The following PTPRT variants were observed in gnomAD, a reference collection of about 807,000 sequenced individuals.
PTPRT encodes the protein receptor-type tyrosine-protein phosphatase T.
A neutral mutation model predicts 176.8 loss-of-function variants in PTPRT; 56 were observed. That is an observed-to-expected ratio of 0.32 (90% CI 0.26 to 0.40). The LOEUF (loss-of-function observed/expected upper bound fraction) is 0.40. Among genes scored for constraint, PTPRT ranks in the 10% least tolerant of loss-of-function variants. The probability of loss-of-function intolerance (pLI) is 1.00; values close to 1 mark genes in which losing one functional copy is unlikely to be tolerated. For missense variants in PTPRT, 1,540 were observed against 1,908.2 expected, an observed-to-expected ratio of 0.81 and a Z score of 3.60; for synonymous variants, 783 against 739.0, an observed-to-expected ratio of 1.06 and a Z score of -0.96.
intron 6 of PTPRT, among the ~76,000 whole-genome samples, chr20:42,686,770 G>C (rs955711551): frequency 3.3e-5 from 5 of 151,994 alleles, no homozygotes; most frequent in African/African-American, 1.2e-4. Flanking sequence ...GGGATTACAG[G>C]CGTGAGCCAC....
At position 42,245,155 on chromosome 20, in the gene PTPRT, A is replaced by G. The variant is rs534548692; in HGVS notation, c.2312+3532T>C. 5.9e-5 allele frequency among the ~76,000 whole-genome samples: 9 copies of G among 152,332 alleles called. No individual in the cohort carries two copies. The East Asian group carries it at 1.7e-3, about 29-fold the overall frequency. On this transcript the variant is annotated intron_variant, in intron 14 of 30. Transcript: ENST00000373187. ...TAGATGTGATCGACAGATCCAGAGG[A>G]AAAAGATGGAGCCACTATCTAGTGA...
At chr20:42,068,333 C>T (rs1174324109), downstream of PTPRT, among the ~76,000 whole-genome samples, 2 of 152,134 alleles carry the variant, frequency 1.3e-5, no homozygotes, top group South Asian at 2.1e-4. Flanking sequence ...ATGACATAAG[C>T]GGTTAGGCTG....
At chr20:43,179,097 A>T (rs2015186998) in intron 1 of PTPRT, among the ~76,000 whole-genome samples, 1 of 152,358 alleles carries the variant, frequency 6.6e-6, no homozygotes, top group East Asian at 1.9e-4. Flanking sequence ...CCAGAAGTCC[A>T]ATGTCTGGTC....
At chr20:42,388,429 GA>G (rs1294963399) in intron 9 of PTPRT, among the ~76,000 whole-genome samples, 1 of 151,942 alleles carries the variant, frequency 6.6e-6, no homozygotes, top group Non-Finnish European at 1.5e-5. Context: ...AAATTTACAA[GA>G]AAAAAACAAA....
At chr20:43,183,683 G>A in intron 1 of PTPRT, among the ~76,000 whole-genome samples, 1 of 152,208 alleles carries the variant, frequency 6.6e-6, no homozygotes, top group Admixed American at 6.5e-5. Context: ...TGTTCTCTCA[G>A]GCTCGCTTCC....
chr20:42,252,541 A>G (rs994176105), intron 13 of PTPRT, among the ~76,000 whole-genome samples: 8 of 152,168 alleles, frequency 5.3e-5, no homozygotes, highest in African/African-American at 1.7e-4. Flanking sequence ...GGGAGAGTGT[A>G]GTATCCTAGA....
intron 22 of PTPRT, among the ~76,000 whole-genome samples, chr20:42,114,802 T>C (rs1392440868): frequency 1.3e-5 from 2 of 152,148 alleles, no homozygotes; most frequent in Non-Finnish European, 2.9e-5. Flanking sequence ...AGACTGCATG[T>C]TTTTTCCTTC....
chr20:42,708,624 C>G (rs1569101437), intron 6 of PTPRT, among the ~76,000 whole-genome samples: 1 of 152,212 alleles, frequency 6.6e-6, no homozygotes, highest in Non-Finnish European at 1.5e-5. Flanking sequence ...CTTTGCATTT[C>G]CCGTAGGTCT....
At chr20:42,114,218 C>G (rs1421297041) in intron 22 of PTPRT, among the ~76,000 whole-genome samples, 1 of 152,170 alleles carries the variant, frequency 6.6e-6, no homozygotes, top group Non-Finnish European at 1.5e-5. Context: ...CCTGGTTGTA[C>G]CAACCTTGCA....
At chr20:42,414,116 G>A (rs961289717) in intron 9 of PTPRT, among the ~76,000 whole-genome samples, 2 of 152,148 alleles carry the variant, frequency 1.3e-5, no homozygotes, top group African/African-American at 4.8e-5. Flanking sequence ...ACAGGTATGA[G>A]CCACTGTGCC....
intron 17 of PTPRT, among the ~76,000 whole-genome samples, chr20:42,152,230 A>G (rs1174212582): frequency 6.6e-6 from 1 of 152,278 alleles, no homozygotes; most frequent in Admixed American, 6.5e-5. Context: ...TGGCCTTGGC[A>G]GAGGCCAAGC....
chr20:42,283,330 A>G (rs988296050), intron 12 of PTPRT, among the ~76,000 whole-genome samples: 16 of 152,148 alleles, frequency 1.1e-4, no homozygotes, highest in Admixed American at 5.2e-4. Context: ...CAGTGTAGCA[A>G]GGAAAGTAAA....
In PTPRT at chr20:42,587,944, G is replaced by C. The variant is rs73906969; in HGVS notation, c.1153+89922C>G. Among the ~76,000 whole-genome samples, 261 of 152,174 alleles carry C rather than the reference G, an allele frequency of 1.7e-3. 1 individual carries two copies. The highest frequency in any genetic ancestry group is 5.9e-3 in the African/African-American group (246 of 41,516). On this transcript the variant is annotated intron_variant, in intron 7 of 30. Coordinates refer to ENST00000373187, the MANE Select transcript of PTPRT (RefSeq NM_007050.6). ...TTCTGAAGAAACCATTTATAAAATG[G>C]GCACAAAATACCTGCTGTCATGATG...
At position 42,985,663 on chromosome 20, in the gene PTPRT, T is replaced by C. The variant is rs149464534; in HGVS notation, c.89-99731A>G. Among the ~76,000 whole-genome samples, 211 of 152,088 alleles carry C rather than the reference T, an allele frequency of 1.4e-3. 1 individual carries two copies. Among genetic ancestry groups the C allele is most frequent in the African/African-American group, 4.8e-3 (200 of 41,468 alleles). ...AAAATACAGACTTTTTAAAATTATA[T>C]AGAATGAAGGTGGTAAATACTACAG... On this transcript the variant is annotated intron_variant, in intron 1 of 30. Coordinates refer to ENST00000373187, the MANE Select transcript of PTPRT (RefSeq NM_007050.6).
chr20:42,387,097 A>AT (rs1484791044), intron 9 of PTPRT, among the ~76,000 whole-genome samples: 2 of 152,174 alleles, frequency 1.3e-5, no homozygotes, highest in Admixed American at 6.5e-5. Flanking sequence ...AAATAAGGCA[A>AT]GTCTTAGTGG....
At chr20:42,097,081 A>T (rs1465307571) in intron 27 of PTPRT, among the ~76,000 whole-genome samples, 2 of 152,192 alleles carry the variant, frequency 1.3e-5, no homozygotes, top group East Asian at 1.9e-4. Flanking sequence ...CTGCTTCATC[A>T]TGAGCAGCTT....
At chr20:42,838,516 G>C (rs886488237) in intron 2 of PTPRT, among the ~76,000 whole-genome samples, 11 of 152,176 alleles carry the variant, frequency 7.2e-5, no homozygotes, top group African/African-American at 2.4e-4. Flanking sequence ...TGGAGGACCA[G>C]TTGGGGATCC....
At chr20:42,713,516 T>C (rs1234117441) in intron 6 of PTPRT, among the ~76,000 whole-genome samples, 1 of 152,190 alleles carries the variant, frequency 6.6e-6, no homozygotes, top group African/African-American at 2.4e-5. Flanking sequence ...CTATCATCCA[T>C]TGCTCTTCAG....
chr20:43,133,210 A>G (rs1331434558), intron 1 of PTPRT, among the ~76,000 whole-genome samples: 18 of 152,178 alleles, frequency 1.2e-4, no homozygotes, highest in Admixed American at 1.2e-3. Flanking sequence ...AGATTTGTGC[A>G]TTTATCATGC....
Sources: allele counts gnomAD v4.1 joint callset (sites outside exome capture counted in the v4.1 genomes callset), GRCh38; gene constraint gnomAD v4.1.1; transcripts MANE v1.5; gene names NCBI Gene and HGNC (gene_info 2026-07-23, HGNC 2026-07-21).